The following PRR16 variants were observed in gnomAD, a reference collection of about 807,000 sequenced individuals.
PRR16 encodes proline rich 16.
Under a neutral mutation model 18.2 loss-of-function variants are expected in PRR16, and 6 were observed. The observed-to-expected ratio is 0.33, with a 90% CI of 0.18 to 0.65. The LOEUF (loss-of-function observed/expected upper bound fraction) is 0.65. Among genes scored for constraint, PRR16 ranks in the 30% least tolerant of loss-of-function variants. The pLI is 0.74. For missense variants in PRR16, 412 were observed against 376.6 expected, an observed-to-expected ratio of 1.09 and a Z score of -0.78; for synonymous variants, 151 against 147.8, an observed-to-expected ratio of 1.02 and a Z score of -0.16.
At chr5:120,604,338 T>C (rs55709959) in intron 1 of PRR16, among the ~76,000 whole-genome samples, 34,083 of 152,028 alleles carry the variant, frequency 0.22, 4,451 homozygotes, top group Middle Eastern at 0.38. Flanking sequence ...TCATTGACGA[T>C]GTAGTTTGTT....
chr5:120,785,549 A>ATGTG, the PRR16 span, among the ~76,000 whole-genome samples: 1 of 135,082 alleles, frequency 7.4e-6, no homozygotes, highest in East Asian at 2.1e-4. Flanking sequence ...GTCTCTGTGT[A>ATGTG]TGTGTGTGTG....
At chr5:120,508,482 A>G (rs1156836470) in intron 1 of PRR16, among the ~76,000 whole-genome samples, 7 of 152,132 alleles carry the variant, frequency 4.6e-5, no homozygotes, top group Admixed American at 4.6e-4. Flanking sequence ...GCAATATTAT[A>G]TAAGTAGTGT....
chr5:120,544,872 T>C (rs17146769), intron 1 of PRR16, among the ~76,000 whole-genome samples: 7,691 of 152,226 alleles, frequency 0.051, 248 homozygotes, highest in East Asian at 0.11. Context: ...AAAATTTAGA[T>C]GGCAGTATTC....
At chr5:120,739,109 A>C in the PRR16 span, among the ~76,000 whole-genome samples, 6 of 152,284 alleles carry the variant, frequency 3.9e-5, no homozygotes, top group East Asian at 9.6e-4. Context: ...TGGAATAATG[A>C]GGCAGGTATA....
At chr5:120,596,122 A>AT (rs780907137) in intron 1 of PRR16, among the ~76,000 whole-genome samples, 24 of 108,136 alleles carry the variant, frequency 2.2e-4, no homozygotes, top group African/African-American at 4.0e-4. Flanking sequence ...CAGATGTTCT[A>AT]TTTTTTTTAT....
intron 1 of PRR16, among the ~76,000 whole-genome samples, chr5:120,621,817 C>G (rs1754699267): frequency 1.3e-5 from 2 of 152,162 alleles, no homozygotes; most frequent in South Asian, 2.1e-4. Context: ...CCCAGCCATG[C>G]TGAAGTGTAA....
intron 1 of PRR16, among the ~76,000 whole-genome samples, chr5:120,653,645 T>G (rs80115770): frequency 0.061 from 9,264 of 152,066 alleles, 325 homozygotes; most frequent in South Asian, 0.083. Context: ...TTATGGTGAG[T>G]GTACTTCTGT....
At chr5:120,512,533 T>C (rs772012447) in intron 1 of PRR16, among the ~76,000 whole-genome samples, 1 of 152,132 alleles carries the variant, frequency 6.6e-6, no homozygotes, top group Non-Finnish European at 1.5e-5. Context: ...TCTGGCGGCA[T>C]AGAAAAAAGA....
chr5:120,471,320 G>T (rs912957871), intron 1 of PRR16, among the ~76,000 whole-genome samples: 1 of 152,058 alleles, frequency 6.6e-6, no homozygotes, highest in Non-Finnish European at 1.5e-5. Context: ...CAACTAATAT[G>T]GAAGCTCGTT....
At chr5:120,721,769 C>A in the PRR16 span, among the ~76,000 whole-genome samples, 1 of 151,960 alleles carries the variant, frequency 6.6e-6, no homozygotes, top group African/African-American at 2.4e-5. Context: ...AGGAAGAGTT[C>A]AAGATGGAAC....
chr5:120,686,077 A>G lies in PRR16; in HGVS notation c.283A>G (p.Ile95Val), dbSNP rs754193500. 3 of 1,614,112 alleles carry G rather than the reference A, an allele frequency of 1.9e-6. No individual in the cohort carries two copies. The highest frequency in any genetic ancestry group is 2.2e-5 in the East Asian group (1 of 44,874). ...CACAACAGCCTCCAGCCTAGAGAAG[A>G]TCAAAGTGCAGGCTAATGCACCGCT... ...SGTTASSLEK[I>V]KVQANAPLIK... Residue 95 changes from isoleucine to valine, a missense_variant, in exon 2 of 2, where the codon ATC becomes GTC. Ile to Val is a conservative substitution (Grantham distance 29). Coordinates refer to ENST00000407149, the MANE Select transcript of PRR16 (RefSeq NM_001300783.2).
the PRR16 span, among the ~76,000 whole-genome samples, chr5:120,717,915 G>C: frequency 6.6e-6 from 1 of 152,216 alleles, no homozygotes; most frequent in South Asian, 2.1e-4. Context: ...ACATTTAACT[G>C]AGCCTTGCAT....
chr5:120,649,166 G>A (rs983133781), intron 1 of PRR16, among the ~76,000 whole-genome samples: 1 of 152,062 alleles, frequency 6.6e-6, no homozygotes, highest in Non-Finnish European at 1.5e-5. Context: ...CTTAAGTCAT[G>A]TTGGAAATAA....
intron 1 of PRR16, among the ~76,000 whole-genome samples, chr5:120,667,829 A>C (rs1257307981): frequency 7.2e-5 from 11 of 152,226 alleles, no homozygotes; most frequent in Admixed American, 1.3e-4. Flanking sequence ...ACCGTTTGTT[A>C]TAATCTCTGT....
chr5:120,632,818 T>C (rs1260566944), intron 1 of PRR16, among the ~76,000 whole-genome samples: 1 of 152,184 alleles, frequency 6.6e-6, no homozygotes, highest in African/African-American at 2.4e-5. Flanking sequence ...GAAGGAATAA[T>C]TGAGAAACAC....
chr5:120,554,946 T>C (rs554602971), intron 1 of PRR16, among the ~76,000 whole-genome samples: 44 of 152,022 alleles, frequency 2.9e-4, no homozygotes, highest in African/African-American at 9.2e-4. Flanking sequence ...AGAGACACTC[T>C]CCATTTGGGG....
intron 1 of PRR16, among the ~76,000 whole-genome samples, chr5:120,606,295 G>C (rs919702749): frequency 2.6e-5 from 4 of 152,110 alleles, no homozygotes; most frequent in Non-Finnish European, 4.4e-5. Flanking sequence ...CCAGAGCTGA[G>C]GAAACAGAGC....
At chr5:120,621,768 C>G (rs1398850879) in intron 1 of PRR16, among the ~76,000 whole-genome samples, 2 of 152,082 alleles carry the variant, frequency 1.3e-5, no homozygotes, top group Non-Finnish European at 1.5e-5. Context: ...CCTTGCTTCC[C>G]CCTGGCCTTC....
intron 1 of PRR16, among the ~76,000 whole-genome samples, chr5:120,568,725 C>T (rs955717672): frequency 2.6e-5 from 4 of 152,080 alleles, no homozygotes; most frequent in Non-Finnish European, 4.4e-5. Flanking sequence ...ATAACTTATA[C>T]ATCAACACAA....
Sources: allele counts gnomAD v4.1 joint callset (sites outside exome capture counted in the v4.1 genomes callset), GRCh38; gene constraint gnomAD v4.1.1; transcripts MANE v1.5; gene names NCBI Gene and HGNC (gene_info 2026-07-23, HGNC 2026-07-21).